The following SOX5 variants were observed in gnomAD, a reference collection of about 807,000 sequenced individuals.
SOX5 encodes the protein transcription factor SOX-5.
SOX5 carries 9 observed loss-of-function variants against 92.0 expected under a neutral mutation model. The observed-to-expected ratio is 0.10, with a 90% confidence interval of 0.06 to 0.17. The LOEUF is 0.17. Ranked by LOEUF, SOX5 falls within the 10% of genes least tolerant of loss-of-function variation. The pLI is 1.00. For missense variants in SOX5, 642 were observed against 944.5 expected (o/e 0.68, Z 4.20); for synonymous variants, 344 against 336.3 (o/e 1.02, Z -0.25).
intron 1 of SOX5, among the ~76,000 whole-genome samples, chr12:24,555,285 C>T (rs4963574): frequency 0.43 from 64,754 of 152,058 alleles, 17,193 homozygotes; most frequent in Non-Finnish European, 0.61. Flanking sequence ...GAGAGTTCTG[C>T]CTCATGCTTT....
intron 4 of SOX5, among the ~76,000 whole-genome samples, chr12:24,194,125 A>T (rs916274755): frequency 1.3e-5 from 2 of 152,236 alleles, no homozygotes; most frequent in African/African-American, 4.8e-5. Context: ...AGGAACTTTA[A>T]GTGACATCTT....
intron 7 of SOX5, among the ~76,000 whole-genome samples, chr12:23,647,397 A>G (rs2081010841): frequency 6.6e-6 from 1 of 152,216 alleles, no homozygotes; most frequent in Admixed American, 6.5e-5. Flanking sequence ...TAAAAAAACT[A>G]AGATTTTCAA....
At chr12:24,165,243 T>C (rs1188208259) in intron 4 of SOX5, among the ~76,000 whole-genome samples, 6 of 152,126 alleles carry the variant, frequency 3.9e-5, no homozygotes, top group Non-Finnish European at 7.4e-5. Context: ...TAACAAACAT[T>C]TGCTGAGTGC....
At chr12:23,698,900 C>A (rs955521681) in intron 6 of SOX5, among the ~76,000 whole-genome samples, 3 of 152,154 alleles carry the variant, frequency 2.0e-5, no homozygotes, top group Non-Finnish European at 4.4e-5. Context: ...GAAGATACAA[C>A]CCTACCCTCT....
chr12:23,769,291 C>T (rs2094844146), intron 3 of SOX5, among the ~76,000 whole-genome samples: 1 of 151,818 alleles, frequency 6.6e-6, no homozygotes, highest in Non-Finnish European at 1.5e-5. Context: ...CATATTTTGG[C>T]CTTTCTGTTG....
At chr12:24,198,449 T>A (rs1022794807) in intron 4 of SOX5, among the ~76,000 whole-genome samples, 1 of 152,224 alleles carries the variant, frequency 6.6e-6, no homozygotes. Context: ...GGTATGCTTC[T>A]ATCTATAGTT....
At chr12:24,525,749 G>A (rs1950646215) in intron 1 of SOX5, among the ~76,000 whole-genome samples, 1 of 152,030 alleles carries the variant, frequency 6.6e-6, no homozygotes, top group Admixed American at 6.5e-5. Flanking sequence ...GCGGGCGCCT[G>A]TAGTCCCAGC....
intron 2 of SOX5, among the ~76,000 whole-genome samples, chr12:24,305,214 A>G (rs1341783337): frequency 6.6e-6 from 1 of 152,232 alleles, no homozygotes; most frequent in African/African-American, 2.4e-5. Flanking sequence ...GATATTTCTC[A>G]AACACATGAG....
intron 6 of SOX5, among the ~76,000 whole-genome samples, chr12:23,694,464 C>T (rs1247699999): frequency 1.3e-5 from 2 of 152,214 alleles, no homozygotes; most frequent in East Asian, 1.9e-4. Flanking sequence ...TGAATTTCTT[C>T]ACATTTCTCA....
At chr12:23,736,661 TA>T (rs113044961) in intron 5 of SOX5, among the ~76,000 whole-genome samples, 42 of 144,158 alleles carry the variant, frequency 2.9e-4, no homozygotes, top group African/African-American at 6.4e-4. Context: ...TGGAATATGG[TA>T]AAAAAAAAAC....
chr12:24,132,045 A>G (rs938877769), intron 4 of SOX5, among the ~76,000 whole-genome samples: 16 of 152,284 alleles, frequency 1.1e-4, no homozygotes, highest in Middle Eastern at 3.4e-3. Flanking sequence ...TTTGCTCTAC[A>G]TTGTGTTACG....
At chr12:24,548,624 G>A (rs1354671057) in intron 1 of SOX5, among the ~76,000 whole-genome samples, 4 of 152,190 alleles carry the variant, frequency 2.6e-5, no homozygotes, top group Non-Finnish European at 5.9e-5. Context: ...GAGATGACCA[G>A]AGGGAGTATC....
At chr12:24,339,820 C>T (rs1952365869) in intron 2 of SOX5, among the ~76,000 whole-genome samples, 1 of 152,164 alleles carries the variant, frequency 6.6e-6, no homozygotes, top group Non-Finnish European at 1.5e-5. Flanking sequence ...CAGTCATTTC[C>T]CCAGCTATAA....
chr12:23,880,485 T>C (rs1457112070), intron 2 of SOX5, among the ~76,000 whole-genome samples: 1 of 152,228 alleles, frequency 6.6e-6, no homozygotes, highest in Non-Finnish European at 1.5e-5. Context: ...TTCCTATATG[T>C]AGATTTCAGA....
chr12:23,606,308 T>C (rs984896008), intron 8 of SOX5, among the ~76,000 whole-genome samples: 1 of 151,876 alleles, frequency 6.6e-6, no homozygotes, highest in African/African-American at 2.4e-5. Context: ...GATAACTATA[T>C]TACATTTTAT....
At chr12:24,063,681 TTATAA>T (rs1305783251) in intron 4 of SOX5, among the ~76,000 whole-genome samples, 1 of 152,208 alleles carries the variant, frequency 6.6e-6, no homozygotes, top group Non-Finnish European at 1.5e-5. Context: ...TCTCTGAATA[TTATAA>T]TATACCTGTC....
chr12:24,550,740 G>T (rs1269865446), intron 1 of SOX5, among the ~76,000 whole-genome samples: 1 of 152,238 alleles, frequency 6.6e-6, no homozygotes, highest in Admixed American at 6.5e-5. Context: ...GAAAGAGGCT[G>T]CATAGATTTC....
intron 1 of SOX5, among the ~76,000 whole-genome samples, chr12:24,524,340 C>CATCTATCCATCTATCT (rs1555335379): frequency 4.8e-5 from 7 of 145,260 alleles, no homozygotes; most frequent in Admixed American, 1.4e-4. Context: ...AATCCCCTCC[C>CATCTATCCATCTATCT]ATCTATCTAT....
At chr12:24,453,902 T>C (rs908786626) in intron 1 of SOX5, among the ~76,000 whole-genome samples, 5 of 152,182 alleles carry the variant, frequency 3.3e-5, no homozygotes, top group Non-Finnish European at 5.9e-5. Flanking sequence ...TAATAGCTCT[T>C]TCATTTTTGA....
Sources: gnomAD v4.1 joint callset for allele counts (sites outside exome capture counted in the v4.1 genomes callset) on GRCh38, gnomAD v4.1.1 for gene constraint, MANE v1.5 for transcripts, NCBI Gene and HGNC (gene_info 2026-07-23, HGNC 2026-07-21) for gene names.